WDFY3: variants seen among roughly 807,000 people sequenced by gnomAD.
WDFY3 encodes the protein WD repeat and FYVE domain-containing protein 3.
Under a neutral mutation model 409.6 loss-of-function variants are expected in WDFY3, and 66 were observed. The observed-to-expected ratio is 0.16, with a 90% CI of 0.13 to 0.20. The LOEUF (loss-of-function observed/expected upper bound fraction) is 0.20, where lower values mean the gene tolerates loss of function less well. WDFY3 is among the 10% of genes least tolerant of loss of function. The pLI, the probability that WDFY3 is intolerant of heterozygous loss-of-function variation, is 1.00. For missense variants in WDFY3, 3,031 were observed against 4,298.1 expected, an observed-to-expected ratio of 0.71 and a Z score of 8.24; for synonymous variants, 1,521 against 1,537.1, an observed-to-expected ratio of 0.99 and a Z score of 0.25.
At chr4:84,695,795 G>C (rs1730046031) in intron 58 of WDFY3, among the ~76,000 whole-genome samples, 175 bp downstream of exon 58, 2 of 152,010 alleles carry the variant, frequency 1.3e-5, no homozygotes, top group South Asian at 4.1e-4. Context: ...TTATTTATCT[G>C]GACTGTGAGA....
At chr4:84,805,336 TATATAAGAAAGCA>T (rs1751338103) in intron 15 of WDFY3, among the ~76,000 whole-genome samples, 1 of 152,186 alleles carries the variant, frequency 6.6e-6, no homozygotes, top group South Asian at 2.1e-4. Flanking sequence ...TTTTTTATCT[TATATAAGAAAGCA>T]ATATTCTGAA....
chr4:84,883,584 T>C (rs1205532587), intron 3 of WDFY3, among the ~76,000 whole-genome samples: 1 of 152,172 alleles, frequency 6.6e-6, no homozygotes, highest in African/African-American at 2.4e-5. Flanking sequence ...CTAATTCATA[T>C]TATTTTGAAG....
intron 26 of WDFY3, among the ~76,000 whole-genome samples, 179 bp from the exon 27 acceptor site, chr4:84,778,834 T>C (rs975462986): frequency 6.6e-6 from 1 of 152,158 alleles, no homozygotes. Flanking sequence ...ATTTTTATTA[T>C]GAAAATATAA....
intron 17 of WDFY3, among the ~76,000 whole-genome samples, chr4:84,801,240 T>C (rs1750507468): frequency 6.6e-6 from 1 of 152,194 alleles, no homozygotes; most frequent in Non-Finnish European, 1.5e-5. Flanking sequence ...GTGTAACTAC[T>C]GGAGGAAAAT....
intron 39 of WDFY3, 184 bp from the exon 40 acceptor site, chr4:84,739,303 G>C (rs1737996348): frequency 1.8e-6 from 1 of 571,214 alleles, no homozygotes; most frequent in Admixed American, 3.0e-5. Flanking sequence ...AAATCCACCT[G>C]ACTAAATGTA....
chr4:84,837,084 C>T lies in WDFY3; in HGVS notation c.421G>A (p.Val141Met), dbSNP rs777660963. ...ACTGACATTGTTGTCATGCAGTCCACGGTTTTCTGGAAAACAAGCCAATAA... is the reference window on the plus strand; with the variant it reads ...ACTGACATTGTTGTCATGCAGTCCATGGTTTTCTGGAAAACAAGCCAATAA... Reference protein sequence around the residue: ...NLLASSGQKTVDCMTTMSVPS... With the variant: ...NLLASSGQKTMDCMTTMSVPS... Residue 141 changes from valine to methionine, a missense_variant, in exon 7 of 68, where the codon GTG (valine) becomes ATG (methionine). Around this residue, in one of 16 missense-constraint regions of WDFY3, gnomAD observed 1,322 missense variants for 1,697.9 expected, o/e 0.78. Coordinates refer to ENST00000295888, the MANE Select transcript of WDFY3 (RefSeq NM_014991.6). 2 of 1,508,802 alleles carry T rather than the reference C, an allele frequency of 1.3e-6. No homozygotes were observed. The highest frequency in any genetic ancestry group is 2.0e-5 in the Admixed American group (1 of 49,780). 93.5% of individuals were successfully genotyped at this position (1,508,802 alleles called of 1,614,324 possible).
At chr4:84,894,724 T>C (rs950969166) in intron 3 of WDFY3, among the ~76,000 whole-genome samples, 1 of 150,716 alleles carries the variant, frequency 6.6e-6, no homozygotes, top group Admixed American at 6.6e-5. Flanking sequence ...AGGCAGAGGA[T>C]GCAGCGAGCC....
intron 44 of WDFY3, among the ~76,000 whole-genome samples, chr4:84,731,888 T>C (rs887254043): frequency 6.6e-6 from 1 of 152,242 alleles, no homozygotes; most frequent in Non-Finnish European, 1.5e-5. Context: ...AGAGCATATT[T>C]ATATTTTAGT....
At chr4:84,912,248 G>T (rs117915396) in intron 2 of WDFY3, among the ~76,000 whole-genome samples, 1 of 152,128 alleles carries the variant, frequency 6.6e-6, no homozygotes, top group Non-Finnish European at 1.5e-5. Context: ...TGCTTGATAC[G>T]TACCTTAGAT....
rs765166124 is a variant in WDFY3, at chr4:84,716,891, C to T, written c.7875+5G>A. ...TGATAAAACAGTACTACTAAATTGA[C>T]TCACCTGCAGGAGATATCTCCTTTT... On this transcript the variant is annotated splice_donor_5th_base_variant and intron_variant, in intron 49 of 67. Transcript: ENST00000295888. 6 of 1,572,076 alleles carry T rather than the reference C, an allele frequency of 3.8e-6. No homozygotes were observed. The African/African-American group carries it at 6.8e-5, about 18-fold the overall frequency.
chr4:84,728,155 A>T (rs961297796), intron 44 of WDFY3, among the ~76,000 whole-genome samples: 4 of 152,194 alleles, frequency 2.6e-5, no homozygotes, highest in African/African-American at 9.6e-5. Context: ...AACTCATAAT[A>T]TGCATATGAA....
chr4:84,857,195 G>A (rs940716489), intron 4 of WDFY3, among the ~76,000 whole-genome samples: 1 of 152,014 alleles, frequency 6.6e-6, no homozygotes, highest in Non-Finnish European at 1.5e-5. Flanking sequence ...ACTTTTGAGA[G>A]AATTTGTTAA....
chr4:84,923,921 G>A (rs750461099), intron 2 of WDFY3, among the ~76,000 whole-genome samples: 38 of 152,274 alleles, frequency 2.5e-4, no homozygotes, highest in Middle Eastern at 3.4e-3. Flanking sequence ...AATCGATAGA[G>A]CCCAGGAGGT....
At chr4:84,737,035 G>A (rs1222472610) in intron 41 of WDFY3, 149 bp downstream of exon 41, 2 of 771,874 alleles carry the variant, frequency 2.6e-6, no homozygotes, top group Admixed American at 3.3e-5. Flanking sequence ...TAAGATCTCA[G>A]TATAATCATT....
At chr4:84,745,853 A>G (rs1260577109) in intron 36 of WDFY3, among the ~76,000 whole-genome samples, 1 of 152,096 alleles carries the variant, frequency 6.6e-6, no homozygotes, top group Non-Finnish European at 1.5e-5. Flanking sequence ...ATCCCTATAA[A>G]CTGAAGAGGA....
chr4:84,889,892 T>C (rs938889241), intron 3 of WDFY3, among the ~76,000 whole-genome samples: 3 of 152,044 alleles, frequency 2.0e-5, no homozygotes, highest in Non-Finnish European at 4.4e-5. Context: ...ATCATTTCAA[T>C]AAAAAAAGAG....
intron 2 of WDFY3, among the ~76,000 whole-genome samples, chr4:84,922,537 C>CT (rs1431654916): frequency 6.6e-6 from 1 of 152,056 alleles, no homozygotes; most frequent in African/African-American, 2.4e-5. Flanking sequence ...TCAATTCAGT[C>CT]TATAGCTGGG....
At chr4:84,936,568 C>G (rs887446262) in intron 1 of WDFY3, among the ~76,000 whole-genome samples, 2 of 151,942 alleles carry the variant, frequency 1.3e-5, no homozygotes, top group Non-Finnish European at 2.9e-5. Context: ...AAATTTTTTT[C>G]CAAATAGCCC....
chr4:84,782,999 C>A lies in WDFY3; in HGVS notation c.4138G>T (p.Ala1380Ser), dbSNP rs1746838305. The A allele has an allele frequency of 1.2e-6, 2 of 1,613,974 alleles. No homozygotes were observed. The highest frequency in any genetic ancestry group is 1.3e-5 in the African/African-American group (1 of 74,922). Residue 1380 changes from alanine to serine, a missense_variant, in exon 25 of 68, where the codon GCA (alanine) becomes TCA (serine). By Grantham distance (99) the Ala-to-Ser change is moderately conservative. Transcript: ENST00000295888. ...HNSAGHLNGSARTIGAALIGY... is the reference protein window; with the variant it reads ...HNSAGHLNGSSRTIGAALIGY... ...ATCAGAGCGGCCCCAATTGTCCGTG[C>A]AGATCCATTAAGATGTCCTGCTGAA...
Sources: gnomAD v4.1 joint callset for allele counts (sites outside exome capture counted in the v4.1 genomes callset) on GRCh38, gnomAD v4.1.1 for gene constraint, gnomAD v4.1.1 regional missense constraint, MANE v1.5 for transcripts, NCBI Gene and HGNC (gene_info 2026-07-23, HGNC 2026-07-21) for gene names.